Variants in TAB2 observed in about 807,000 individuals in gnomAD.
TAB2 encodes the protein TGF-beta-activated kinase 1 and MAP3K7-binding protein 2.
TAB2 carries 3 observed loss-of-function variants against 65.0 expected under a neutral mutation model. The observed-to-expected ratio is 0.05, with a 90% CI of 0.02 to 0.12. The LOEUF (loss-of-function observed/expected upper bound fraction) is 0.12, where lower values mean the gene tolerates loss of function less well. TAB2 is among the 10% of genes least tolerant of loss of function. The pLI is 1.00. For synonymous variants in TAB2, 298 were observed against 285.1 expected (o/e 1.05, Z -0.46); for missense variants, 623 against 840.3 (o/e 0.74, Z 3.20).
At chr6:149,299,387 C>T (rs889162433) in intron 1 of TAB2, among the ~76,000 whole-genome samples, 5 of 152,144 alleles carry the variant, frequency 3.3e-5, no homozygotes, top group Non-Finnish European at 7.4e-5. Flanking sequence ...GCCTGGCCAA[C>T]ATGGTGAAAC....
chr6:149,288,991 A>G (rs4895786), intron 1 of TAB2, among the ~76,000 whole-genome samples: 34,005 of 150,676 alleles, frequency 0.23, 4,077 homozygotes, highest in East Asian at 0.43. Flanking sequence ...CAGAATAGCT[A>G]GGATTACAGG....
intron 1 of TAB2, among the ~76,000 whole-genome samples, chr6:149,304,818 C>T (rs1015033531): frequency 6.6e-6 from 1 of 152,138 alleles, no homozygotes; most frequent in Non-Finnish European, 1.5e-5. Flanking sequence ...ATACCTCCAC[C>T]TCCAGTCCCC....
chr6:149,400,147 C>T, intron 6 of TAB2: 1 of 527,304 alleles, frequency 1.9e-6, no homozygotes, highest in Non-Finnish European at 3.3e-6. Context: ...GGATTAAACT[C>T]ACCACTCACA....
intron 1 of TAB2, among the ~76,000 whole-genome samples, chr6:149,364,831 T>C (rs553269921): frequency 2.0e-5 from 3 of 151,692 alleles, no homozygotes; most frequent in East Asian, 3.9e-4. Flanking sequence ...TATACTCTTA[T>C]AGTCCTAGAA....
chr6:149,313,308 T>C (rs564568), upstream of TAB2, among the ~76,000 whole-genome samples: 109,450 of 151,742 alleles, frequency 0.72, 40,527 homozygotes, highest in Middle Eastern at 0.83. Flanking sequence ...CCACCTCAGC[T>C]CTCTCTCTCC....
chr6:149,218,313 A>T (rs886473510), upstream of TAB2, among the ~76,000 whole-genome samples: 1 of 152,236 alleles, frequency 6.6e-6, no homozygotes, highest in African/African-American at 2.4e-5. Flanking sequence ...AGGCCAAAAG[A>T]ACACTGCACA....
At chr6:149,257,192 AG>A (rs1255011423) in intron 1 of TAB2, among the ~76,000 whole-genome samples, 2 of 152,214 alleles carry the variant, frequency 1.3e-5, no homozygotes, top group African/African-American at 4.8e-5. Context: ...TACAACACCC[AG>A]TAAGCACGTC....
At chr6:149,303,956 G>A (rs1281771355) in intron 1 of TAB2, among the ~76,000 whole-genome samples, 2 of 152,216 alleles carry the variant, frequency 1.3e-5, no homozygotes, top group African/African-American at 4.8e-5. Flanking sequence ...CATGTGTCTG[G>A]AGGACTGAGA....
chr6:149,252,703 A>G (rs1777886376), intron 1 of TAB2, among the ~76,000 whole-genome samples: 1 of 152,116 alleles, frequency 6.6e-6, no homozygotes, highest in Non-Finnish European at 1.5e-5. Context: ...GTCTCACCCT[A>G]GTCTTAGTAC....
intron 1 of TAB2, among the ~76,000 whole-genome samples, chr6:149,308,759 A>C (rs1210902519): frequency 6.6e-6 from 1 of 152,040 alleles, no homozygotes; most frequent in African/African-American, 2.4e-5. Context: ...AACTCCTGAC[A>C]TCATGATTCG....
intron 1 of TAB2, chr6:149,318,659 G>A (rs1779339409): frequency 6.6e-6 from 1 of 152,316 alleles, no homozygotes; most frequent in South Asian, 2.1e-4. Flanking sequence ...CCCTACGATT[G>A]TGGTTGAGTC....
At chr6:149,230,749 C>T (rs150467816) in intron 1 of TAB2, among the ~76,000 whole-genome samples, 1,597 of 152,192 alleles carry the variant, frequency 0.01, 8 homozygotes, top group Non-Finnish European at 0.016. Flanking sequence ...CCTACAAGGC[C>T]GTAAGGATGA....
intron 1 of TAB2, among the ~76,000 whole-genome samples, chr6:149,310,957 A>C (rs1779156959): frequency 6.6e-6 from 1 of 152,172 alleles, no homozygotes; most frequent in Non-Finnish European, 1.5e-5. Context: ...TTTTATTGCC[A>C]CAAGTGTGTT....
intron 1 of TAB2, among the ~76,000 whole-genome samples, chr6:149,327,251 T>A (rs1044026409): frequency 2.6e-5 from 4 of 152,178 alleles, no homozygotes; most frequent in African/African-American, 9.7e-5. Flanking sequence ...GGTCGTTTTT[T>A]AAAAATTTAA....
chr6:149,348,501 T>C (rs524092), intron 1 of TAB2, among the ~76,000 whole-genome samples: 132,401 of 151,982 alleles, frequency 0.87, 57,744 homozygotes, highest in Middle Eastern at 0.97. Flanking sequence ...TCTGCCGTCC[T>C]ATTTGGCATC....
chr6:149,404,665 A>G (rs1484097158), intron 6 of TAB2, among the ~76,000 whole-genome samples: 1 of 152,246 alleles, frequency 6.6e-6, no homozygotes, highest in Non-Finnish European at 1.5e-5. Flanking sequence ...AAGCGTGCCA[A>G]GAACACAATG....
intron 1 of TAB2, among the ~76,000 whole-genome samples, chr6:149,298,228 T>A (rs1778911651): frequency 6.6e-6 from 1 of 152,232 alleles, no homozygotes; most frequent in African/African-American, 2.4e-5. Context: ...TGCATGCTAT[T>A]CCTCAGAATG....
At chr6:149,278,865 G>T (rs917025837) in intron 1 of TAB2, among the ~76,000 whole-genome samples, 2 of 152,072 alleles carry the variant, frequency 1.3e-5, no homozygotes. Context: ...GATCACTTGA[G>T]CCCAGGAGTC....
At position 149,326,604 on chromosome 6, in the gene TAB2, A is replaced by G. The variant is rs143823617; in HGVS notation, c.-90+8589A>G. On this transcript the variant is annotated intron_variant, in intron 1 of 6. Transcript: ENST00000637181. Reference sequence around the variant, plus strand: ...GCTCTTTTGTCCAGGCTAGAGTGCAATGTTGCAATCTCAGCTCACTGCAAC... The same window carrying G: ...GCTCTTTTGTCCAGGCTAGAGTGCAGTGTTGCAATCTCAGCTCACTGCAAC... 5.1e-3 allele frequency among the ~76,000 whole-genome samples: 768 copies of G among 151,430 alleles called. 9 individuals are homozygous for G. The highest frequency in any genetic ancestry group is 0.018 in the African/African-American group (741 of 41,210).
Sources: gnomAD v4.1 joint callset for allele counts (sites outside exome capture counted in the v4.1 genomes callset) on GRCh38, gnomAD v4.1.1 for gene constraint, MANE v1.5 for transcripts, NCBI Gene and HGNC (gene_info 2026-07-23, HGNC 2026-07-21) for gene names.